The following OGN variants were observed in gnomAD, a reference collection of about 807,000 sequenced individuals.
OGN encodes mimecan.
OGN carries 19 observed loss-of-function variants against 30.8 expected under a neutral mutation model. That is an observed-to-expected ratio of 0.62 (90% confidence interval 0.43 to 0.90). OGN has a LOEUF of 0.90. OGN is among the 40% of genes least tolerant of loss of function. The pLI, the probability that OGN is intolerant of heterozygous loss-of-function variation, is 0.00. For missense variants in OGN, 283 were observed against 349.7 expected (o/e 0.81, Z 1.52); for synonymous variants, 126 against 128.3 (o/e 0.98, Z 0.12).
intron 1 of OGN, 52 bp from the exon 2 acceptor site, chr9:92,403,534 G>A: frequency 1.4e-6 from 2 of 1,408,112 alleles, no homozygotes; most frequent in South Asian, 3.6e-5. Context: ...CTTAGAGGAT[G>A]TTTTGGCAGG....
rs1842320664 is a variant in OGN, at chr9:92,383,628, G to A, written c.*1992C>T. Among the ~76,000 whole-genome samples the A allele has an allele frequency of 6.6e-6, 1 of 151,696 alleles. No homozygotes were observed. The highest frequency in any genetic ancestry group is 1.5e-5 in the Non-Finnish European group (1 of 67,866). On this transcript the variant is annotated 3_prime_UTR_variant, in exon 7 of 7. Coordinates refer to ENST00000375561, the MANE Select transcript of OGN (RefSeq NM_014057.5). Reference sequence around the variant, plus strand: ...GAATCTTGGTGGTATAATTTGTATTGTTTATTTTGTTTTATTTGTGATTTA... The same window carrying A: ...GAATCTTGGTGGTATAATTTGTATTATTTATTTTGTTTTATTTGTGATTTA...
At chr9:92,404,345 A>G (rs1305131106) in intron 1 of OGN, among the ~76,000 whole-genome samples, 151 bp downstream of exon 1, 1 of 152,222 alleles carries the variant, frequency 6.6e-6, no homozygotes, top group African/African-American at 2.4e-5. Flanking sequence ...TGTTAAATTT[A>G]TGCGATGATA....
intron 3 of OGN, among the ~76,000 whole-genome samples, chr9:92,395,394 T>C (rs1842853547): frequency 6.6e-6 from 1 of 152,236 alleles, no homozygotes; most frequent in African/African-American, 2.4e-5. Flanking sequence ...AGTATTCAAT[T>C]GTCTCAATAT....
At chr9:92,400,348 A>G (rs903192273) in intron 3 of OGN, among the ~76,000 whole-genome samples, 1 of 151,998 alleles carries the variant, frequency 6.6e-6, no homozygotes, top group African/African-American at 2.4e-5. Flanking sequence ...ACAGGGTTTC[A>G]CCATCTTGAC....
At chr9:92,397,572 C>T (rs1409501713) in intron 3 of OGN, among the ~76,000 whole-genome samples, 1 of 152,146 alleles carries the variant, frequency 6.6e-6, no homozygotes, top group African/African-American at 2.4e-5. Flanking sequence ...TCAGGTGGTC[C>T]ACCCGCCTTG....
chr9:92,386,211 A>C lies in OGN; in HGVS notation c.716T>G (p.Ile239Ser). ...PLNLPESLRV[I>S]HLQFNNIASI... ...AAGGAACTATCATACCTGAAGATGAATTACACGTAGACTTTCTGGTAAATT... is the reference window on the plus strand; with the variant it reads ...AAGGAACTATCATACCTGAAGATGACTTACACGTAGACTTTCTGGTAAATT... Residue 239 changes from isoleucine to serine, a missense_variant, in exon 6 of 7, where the codon ATT becomes AGT. Physicochemically the swap from Ile to Ser is moderately radical, Grantham distance 142 (BLOSUM62 -2). Transcript: ENST00000375561. 1.2e-6 allele frequency: 2 copies of C among 1,605,870 alleles called. No homozygotes were observed. Among genetic ancestry groups the C allele is most frequent in the Non-Finnish European group, 1.7e-6 (2 of 1,172,622 alleles).
chr9:92,386,227 C>T lies in OGN; in HGVS notation c.700G>A (p.Glu234Lys), dbSNP rs1213054483. 3 of 1,612,190 alleles carry T rather than the reference C, an allele frequency of 1.9e-6. No homozygotes were observed. Among genetic ancestry groups the T allele is most frequent in the Non-Finnish European group, 2.5e-6 (3 of 1,178,498 alleles). ...ALESVPLNLP[E>K]SLRVIHLQFN... ...TGAAGATGAATTACACGTAGACTTT[C>T]TGGTAAATTAAGAGGCACGGATTCC... Residue 234 changes from glutamate to lysine, a missense_variant, in exon 6 of 7, where the codon GAA (glutamate) becomes AAA (lysine). Transcript: ENST00000375561.
chr9:92,397,056 AG>A (rs984466693), intron 3 of OGN, among the ~76,000 whole-genome samples: 1 of 151,828 alleles, frequency 6.6e-6, no homozygotes. Flanking sequence ...ACGTTCCTGT[AG>A]TCCCAGCTAC....
At position 92,384,921 on chromosome 9, in the gene OGN, A is replaced by T. The variant is rs1842364514; in HGVS notation, c.*699T>A. On this transcript the variant is annotated 3_prime_UTR_variant, in exon 7 of 7. Coordinates refer to ENST00000375561, the MANE Select transcript of OGN (RefSeq NM_014057.5). ...TTGAGTTTAAAACTTTTTTTGGTAG[A>T]CTTAGAATGTTAATATTTAGATAAA... The T allele has an allele frequency of 1.3e-5, 2 of 152,528 alleles. No individual in the cohort carries two copies. The highest frequency in any genetic ancestry group is 4.1e-4 in the South Asian group (2 of 4,832). 9.4% of individuals were successfully genotyped at this position (152,528 alleles called of 1,614,324 possible). A position where few individuals can be genotyped will look rare whatever the true frequency, so the allele number is the denominator to read the frequency against.
chr9:92,392,725 A>G (rs745451489), intron 4 of OGN, among the ~76,000 whole-genome samples: 1 of 152,224 alleles, frequency 6.6e-6, no homozygotes, highest in Non-Finnish European at 1.5e-5. Flanking sequence ...CTGTGTTTTT[A>G]TAGTCCAGGT....
At chr9:92,387,233 G>A (rs934916297) in intron 5 of OGN, among the ~76,000 whole-genome samples, 1 of 151,766 alleles carries the variant, frequency 6.6e-6, no homozygotes, top group African/African-American at 2.4e-5. Context: ...ATTAACTGGT[G>A]TGGTAGCACA....
chr9:92,385,401 G>C lies in OGN; in HGVS notation c.*219C>G. ...GTATAAACTAGGATTTTGTAATGCT[G>C]TTTAAATATTTTCATATTACTTTGT... On this transcript the variant is annotated 3_prime_UTR_variant, in exon 7 of 7. Coordinates refer to ENST00000375561, the MANE Select transcript of OGN (RefSeq NM_014057.5). 2.1e-6 allele frequency: 1 copy of C among 468,976 alleles called. No individual in the cohort carries two copies. The highest frequency in any genetic ancestry group is 3.6e-5 in the East Asian group (1 of 27,672). 29.1% of individuals were successfully genotyped at this position (468,976 alleles called of 1,614,324 possible).
intron 4 of OGN, among the ~76,000 whole-genome samples, chr9:92,390,596 G>A (rs895225736): frequency 6.6e-6 from 1 of 152,074 alleles, no homozygotes; most frequent in Non-Finnish European, 1.5e-5. Context: ...GTGCGCGCGC[G>A]CGTACTTGCG....
chr9:92,391,821 G>A (rs1842699960), intron 4 of OGN, among the ~76,000 whole-genome samples: 1 of 152,130 alleles, frequency 6.6e-6, no homozygotes, highest in South Asian at 2.1e-4. Flanking sequence ...GTCTGAGAAA[G>A]CCCATGAAAG....
At position 92,383,763 on chromosome 9, in the gene OGN, T is replaced by C. The variant is rs1425860404; in HGVS notation, c.*1857A>G. Among the ~76,000 whole-genome samples the C allele has an allele frequency of 2.0e-5, 3 of 152,168 alleles. No homozygotes were observed. The highest frequency in any genetic ancestry group is 4.4e-5 in the Non-Finnish European group (3 of 68,008). ...GAATTCATACCTTTTACCAATGTTC[T>C]TTCTCCCTTATCATTATCTTATCTA... On this transcript the variant is annotated 3_prime_UTR_variant, in exon 7 of 7. Coordinates refer to ENST00000375561, the MANE Select transcript of OGN (RefSeq NM_014057.5).
In OGN at chr9:92,385,584, A is replaced by G; in HGVS notation, c.*36T>C. ...CATTGTTGAGACAGACTATTAGTGT[A>G]GGTGTACTTTCATTTATATGTTGTA... On this transcript the variant is annotated 3_prime_UTR_variant, in exon 7 of 7. Coordinates refer to ENST00000375561, the MANE Select transcript of OGN (RefSeq NM_014057.5). 1.3e-6 allele frequency: 2 copies of G among 1,562,226 alleles called. No individual in the cohort carries two copies. Among genetic ancestry groups the G allele is most frequent in the Non-Finnish European group, 1.8e-6 (2 of 1,134,182 alleles).
In OGN at chr9:92,385,506, C is replaced by A; in HGVS notation, c.*114G>T. 1 of 892,420 alleles carries A rather than the reference C, an allele frequency of 1.1e-6. No homozygotes were observed. The highest frequency in any genetic ancestry group is 1.7e-6 in the Non-Finnish European group (1 of 591,450). The allele number at this position is 892,420 out of a possible 1,614,324, so 55.3% of individuals were successfully genotyped here. A position where few individuals can be genotyped will look rare whatever the true frequency, so the allele number is the denominator to read the frequency against. On this transcript the variant is annotated 3_prime_UTR_variant, in exon 7 of 7. Transcript: ENST00000375561. ...CATCCTTGCTTAAAATATTAAATTC[C>A]TTCAAAATGAGATACAAGGTTAATA...
chr9:92,386,100 C>A (rs1842408400), intron 6 of OGN, 101 bp downstream of exon 6: 1 of 904,496 alleles, frequency 1.1e-6, no homozygotes, highest in Non-Finnish European at 1.8e-6. Flanking sequence ...CTACAGTGAT[C>A]TAACCAAAAT....
chr9:92,385,214 G>C lies in OGN; in HGVS notation c.*406C>G, dbSNP rs1160888003. On this transcript the variant is annotated 3_prime_UTR_variant, in exon 7 of 7. Coordinates refer to ENST00000375561, the MANE Select transcript of OGN (RefSeq NM_014057.5). Reference sequence around the variant, plus strand: ...AACATTTAGCTTTTCAAAGTTTTTGGAACATGTACCTTAAATGCTTTTGGG... The same window carrying C: ...AACATTTAGCTTTTCAAAGTTTTTGCAACATGTACCTTAAATGCTTTTGGG... 1 of 155,328 alleles carries C rather than the reference G, an allele frequency of 6.4e-6. No homozygotes were observed. Among genetic ancestry groups the C allele is most frequent in the Non-Finnish European group, 1.4e-5 (1 of 70,032 alleles). 9.6% of individuals were successfully genotyped at this position (155,328 alleles called of 1,614,324 possible). A position where few individuals can be genotyped will look rare whatever the true frequency, so the allele number is the denominator to read the frequency against.
Sources: gnomAD v4.1 joint callset for allele counts (sites outside exome capture counted in the v4.1 genomes callset) on GRCh38, gnomAD v4.1.1 for gene constraint, MANE v1.5 for transcripts, NCBI Gene and HGNC (gene_info 2026-07-23, HGNC 2026-07-21) for gene names.